The following ZNF420 variants were observed in gnomAD, a reference collection of about 807,000 sequenced individuals.
The protein encoded by ZNF420 is zinc finger protein 420.
In ZNF420, 31 loss-of-function variants were observed where a neutral mutation model predicts 44.7. The ratio of observed to expected loss-of-function variants is 0.69; its 90% CI spans 0.52 to 0.94. The LOEUF is 0.94. ZNF420 is among the 40% of genes least tolerant of loss of function. The pLI, the probability that ZNF420 is intolerant of heterozygous loss-of-function variation, is 0.00. For synonymous variants in ZNF420, 245 were observed against 267.4 expected (o/e 0.92, Z 0.82); for missense variants, 681 against 827.9 (o/e 0.82, Z 2.18).
intron 1 of ZNF420, among the ~76,000 whole-genome samples, chr19:37,053,383 G>C (rs1314250042): frequency 6.6e-6 from 1 of 152,192 alleles, no homozygotes; most frequent in African/African-American, 2.4e-5. Flanking sequence ...TTTCCATCCA[G>C]CTTTGTTCCG....
chr19:37,048,093 G>A (rs1967572606), intron 1 of ZNF420, among the ~76,000 whole-genome samples: 1 of 152,188 alleles, frequency 6.6e-6, no homozygotes, highest in Admixed American at 6.5e-5. Flanking sequence ...ACTGTCACAT[G>A]TAGCAGCTCA....
intron 4 of ZNF420, among the ~76,000 whole-genome samples, chr19:37,122,583 T>C (rs1470563027): frequency 6.6e-6 from 1 of 152,126 alleles, no homozygotes; most frequent in African/African-American, 2.4e-5. Flanking sequence ...CTGCACATTG[T>C]GCATATGTAC....
chr19:37,098,630 A>G (rs529924879), intron 4 of ZNF420, among the ~76,000 whole-genome samples: 7 of 152,240 alleles, frequency 4.6e-5, no homozygotes, highest in Non-Finnish European at 7.3e-5. Flanking sequence ...TGTATTGTGT[A>G]ATTATCAAAT....
At chr19:37,055,264 T>A (rs1391635368) in intron 1 of ZNF420, among the ~76,000 whole-genome samples, 1 of 152,204 alleles carries the variant, frequency 6.6e-6, no homozygotes, top group African/African-American at 2.4e-5. Flanking sequence ...CACATGCCTG[T>A]AGTCCCAGCT....
At chr19:37,041,555 G>T (rs1568427088) in intron 1 of ZNF420, among the ~76,000 whole-genome samples, 2 of 152,132 alleles carry the variant, frequency 1.3e-5, no homozygotes, top group Non-Finnish European at 2.9e-5. Flanking sequence ...GTAATTGGGA[G>T]GAAAAGCAAT....
chr19:37,049,404 C>T lies in ZNF420; in HGVS notation c.-124-30941C>T, dbSNP rs185295940. 3.9e-5 allele frequency among the ~76,000 whole-genome samples: 6 copies of T among 152,326 alleles called. No homozygotes were observed. In the East Asian group the frequency reaches 1.2e-3, roughly 29 times the overall value. On this transcript the variant is annotated intron_variant, in intron 1 of 4. Transcript: ENST00000587029. ...TGTTTCCTGACTTATTAATGACCGC[C>T]ATTCTAACTGGTGTGAGATTGTATC...
chr19:37,037,741 C>T (rs568079960), intron 1 of ZNF420, among the ~76,000 whole-genome samples: 2 of 152,306 alleles, frequency 1.3e-5, no homozygotes, highest in East Asian at 1.9e-4. Context: ...TCAGGTGATC[C>T]GTCCACCTTG....
intron 1 of ZNF420, among the ~76,000 whole-genome samples, chr19:37,048,420 ACTGTT>A (rs1307898664): frequency 2.0e-5 from 3 of 152,226 alleles, no homozygotes; most frequent in Admixed American, 2.0e-4. Flanking sequence ...TTGATTTATA[ACTGTT>A]CTAATACTGC....
rs745887052 is a variant in ZNF420 at position 37,128,027 on chromosome 19, C to G, written c.1036C>G (p.Arg346Gly). 2 of 1,613,668 alleles carry G rather than the reference C, an allele frequency of 1.2e-6. No individual in the cohort carries two copies. Among genetic ancestry groups the G allele is most frequent in the Admixed American group, 1.7e-5 (1 of 59,954 alleles). Residue 346 changes from arginine to glycine, a missense_variant, in exon 5 of 5, where the codon CGG (arginine) becomes GGG (glycine). Physicochemically the swap from Arg to Gly is moderately radical, Grantham distance 125 (BLOSUM62 -2). Transcript: ENST00000337995. ...TAAGGAATGTGGAAGGGCCTTTATT[C>G]GGGGCTCACTACTGATGCAACATCA... ...ECKECGRAFIRGSLLMQHQRI... is the reference protein window; with the variant it reads ...ECKECGRAFIGGSLLMQHQRI...
intron 4 of ZNF420, among the ~76,000 whole-genome samples, chr19:37,095,190 T>A (rs1432152413): frequency 6.6e-6 from 1 of 152,134 alleles, no homozygotes; most frequent in African/African-American, 2.4e-5. Context: ...AGAAGAACAT[T>A]TCTGCCATTG....
chr19:37,074,029 T>A (rs1968107492), upstream of ZNF420, among the ~76,000 whole-genome samples: 1 of 152,130 alleles, frequency 6.6e-6, no homozygotes, highest in African/African-American at 2.4e-5. Flanking sequence ...AGCTCTTTTA[T>A]ATACAAGAAG....
At chr19:37,015,985 G>T (rs1446391653) in intron 1 of ZNF420, among the ~76,000 whole-genome samples, 1 of 152,128 alleles carries the variant, frequency 6.6e-6, no homozygotes, top group Non-Finnish European at 1.5e-5. Flanking sequence ...ACTTTTCCCA[G>T]TTAGTTGAGG....
Position 37,080,371 on chromosome 19 carries a change from T to G in ZNF420, c.-98T>G, listed in dbSNP as rs1968369798. ...GCCCAGAGGAGAAAGAATGGCTGTT[T>G]CAGTAGCAATGTCCAAGGTGAGTAT... On this transcript the variant is annotated 5_prime_UTR_variant, in exon 2 of 5. Coordinates refer to ENST00000337995, the MANE Select transcript of ZNF420 (RefSeq NM_144689.5). 1 of 152,662 alleles carries G rather than the reference T, an allele frequency of 6.6e-6. No homozygotes were observed. The highest frequency in any genetic ancestry group is 1.5e-5 in the Non-Finnish European group (1 of 68,044). 9.5% of individuals were successfully genotyped at this position (152,662 alleles called of 1,614,324 possible). A position where few individuals can be genotyped will look rare whatever the true frequency, so the allele number is the denominator to read the frequency against.
Position 37,128,923 on chromosome 19 carries a change from A to G in ZNF420, c.1932A>G (p.Gln644=), listed in dbSNP as rs774290909. Residue 644 remains glutamine (Q), a synonymous_variant, in exon 5 of 5, where the codon CAA becomes CAG. Coordinates refer to ENST00000337995, the MANE Select transcript of ZNF420 (RefSeq NM_144689.5). ...TTCATACTGGTGAGAAACCATATCA[A>G]TGTAAGGAATGTGGGAAGGCCTTTA... is the stretch of plus-strand genomic sequence containing the variant. ...QRIHTGEKPY[Q]CKECGKAFTR... 6.8e-5 allele frequency: 109 copies of G among 1,614,000 alleles called. No homozygotes were observed. The highest frequency in any genetic ancestry group is 8.7e-5 in the Non-Finnish European group (103 of 1,179,994).
chr19:37,054,274 G>T (rs1051640328), intron 1 of ZNF420, among the ~76,000 whole-genome samples: 4 of 152,208 alleles, frequency 2.6e-5, no homozygotes, highest in African/African-American at 9.6e-5. Flanking sequence ...TCTTTGACTA[G>T]GAAAGGGAAT....
intron 2 of ZNF420, among the ~76,000 whole-genome samples, chr19:37,086,112 C>T (rs997404977): frequency 5.3e-5 from 8 of 151,930 alleles, no homozygotes; most frequent in Admixed American, 1.3e-4. Context: ...AGCCAGGCCT[C>T]ACTACTTTTT....
At chr19:37,120,500 A>C (rs1035243613) in intron 4 of ZNF420, among the ~76,000 whole-genome samples, 3 of 152,190 alleles carry the variant, frequency 2.0e-5, no homozygotes, top group Non-Finnish European at 4.4e-5. Context: ...ATCTATGACA[A>C]ACCCACAGCC....
At chr19:37,071,772 G>C (rs1049995382) in intron 1 of ZNF420, among the ~76,000 whole-genome samples, 4 of 151,888 alleles carry the variant, frequency 2.6e-5, no homozygotes, top group Non-Finnish European at 4.4e-5. Flanking sequence ...CTGCACTCCA[G>C]CCTGGGCAAC....
In ZNF420 at chr19:37,119,750, G is replaced by A. The variant is rs1378189928; in HGVS notation, c.137-7378G>A. 3.9e-5 allele frequency among the ~76,000 whole-genome samples: 6 copies of A among 152,118 alleles called. No individual in the cohort carries two copies. The East Asian group carries it at 1.2e-3, about 29-fold the overall frequency. ...AGCAAGACTAATAAAGAAGAAAAGA[G>A]AGAAGAATCAAATAGATGCAATAAA... On this transcript the variant is annotated intron_variant, in intron 4 of 4. Transcript: ENST00000337995.
Sources: gnomAD v4.1 joint callset for allele counts (sites outside exome capture counted in the v4.1 genomes callset) on GRCh38, gnomAD v4.1.1 for gene constraint, MANE v1.5 for transcripts, NCBI Gene and HGNC (gene_info 2026-07-23, HGNC 2026-07-21) for gene names.